The following DERA variants were observed in gnomAD, a reference collection of about 807,000 sequenced individuals.
The protein encoded by DERA is deoxyribose-phosphate aldolase.
Under a neutral mutation model 41.1 loss-of-function variants are expected in DERA, and 15 were observed. The ratio of observed to expected loss-of-function variants is 0.37; its 90% CI spans 0.24 to 0.56. The LOEUF (loss-of-function observed/expected upper bound fraction) is 0.56, where lower values mean the gene tolerates loss of function less well. Ranked by LOEUF, DERA falls within the 20% of genes least tolerant of loss-of-function variation. The pLI, the probability that DERA is intolerant of heterozygous loss-of-function variation, is 0.81. For missense variants in DERA, 396 were observed against 403.4 expected (o/e 0.98, Z 0.16); for synonymous variants, 139 against 137.4 (o/e 1.01, Z -0.08).
At position 15,918,312 on chromosome 12, in the gene DERA, G is replaced by A. The variant is rs940092732; in HGVS notation, c.31+6898G>A. ...GGCCGCCTCGCCTCCCTCTGCAGGT[G>A]GATACCCTCCTTACCCTGCTTGCGC... On this transcript the variant is annotated intron_variant, in intron 1 of 8. Transcript: ENST00000428559. The surrounding 1 kb of genome is among the most constrained non-coding windows in gnomAD (Gnocchi z 4.3). Among the ~76,000 whole-genome samples the A allele has an allele frequency of 5.3e-5, 8 of 152,122 alleles. No homozygotes were observed. The highest frequency in any genetic ancestry group is 1.9e-4 in the African/African-American group (8 of 41,412).
At position 15,911,411 on chromosome 12, in the gene DERA, C is replaced by G. The variant is rs1156273659; in HGVS notation, c.28C>G (p.Leu10Val). 66 of 1,407,452 alleles carry G rather than the reference C, an allele frequency of 4.7e-5. No individual in the cohort carries two copies. The highest frequency in any genetic ancestry group is 6.0e-5 in the Non-Finnish European group (66 of 1,091,916). 87.2% of individuals were successfully genotyped at this position (1,407,452 alleles called of 1,614,324 possible). ...GTCCGCGCACAATCGGGGCACCGAG[C>G]TCGGTAAGGGGCCCGCGGGGCTCCC... Reference protein sequence around the residue: MSAHNRGTELDLSWISKIQV... With the variant: MSAHNRGTEVDLSWISKIQV... Residue 10 changes from leucine (L) to valine (V), a missense_variant, in exon 1 of 9, where the codon CTC (leucine) becomes GTC (valine). Leu to Val is a conservative substitution (Grantham distance 32). Transcript: ENST00000428559. The surrounding 1 kb of genome is among the most constrained non-coding windows in gnomAD (Gnocchi z 4.5).
At chr12:16,029,155 C>G (rs1949072869) in intron 6 of DERA, among the ~76,000 whole-genome samples, 1 of 152,162 alleles carries the variant, frequency 6.6e-6, no homozygotes. Context: ...AACAAACTGG[C>G]CGGGCGCGGT....
At chr12:15,987,768 T>G (rs1948774568) in intron 6 of DERA, among the ~76,000 whole-genome samples, 1 of 152,064 alleles carries the variant, frequency 6.6e-6, no homozygotes, top group South Asian at 2.1e-4. Context: ...GTCAGAAACC[T>G]CCGTGCACTT....
At chr12:16,006,777 A>G (rs918170140) in intron 6 of DERA, among the ~76,000 whole-genome samples, 4 of 152,244 alleles carry the variant, frequency 2.6e-5, no homozygotes, top group Admixed American at 1.3e-4. Context: ...TCATTCACAG[A>G]TATTTCTGAT....
intron 6 of DERA, among the ~76,000 whole-genome samples, chr12:15,986,446 A>G (rs1948764824): frequency 6.6e-6 from 1 of 152,124 alleles, no homozygotes; most frequent in Non-Finnish European, 1.5e-5. Flanking sequence ...ATCTTGTAAC[A>G]TTTTGTATCT....
chr12:15,973,827 A>T (rs2136156915), intron 5 of DERA, among the ~76,000 whole-genome samples: 1 of 152,236 alleles, frequency 6.6e-6, no homozygotes, highest in East Asian at 1.9e-4. Flanking sequence ...TTTTTAAGTT[A>T]TAGAAGCCAT....
intron 5 of DERA, among the ~76,000 whole-genome samples, chr12:15,978,398 G>T (rs1338311768): frequency 6.6e-6 from 1 of 152,144 alleles, no homozygotes; most frequent in African/African-American, 2.4e-5. Flanking sequence ...GTTTCTGGAA[G>T]TGTATAAGGG....
chr12:15,940,444 C>T lies in DERA; in HGVS notation c.32-16492C>T, dbSNP rs184765362. Reference sequence around the variant, plus strand: ...TTGGCTCACTGCAACCTCCACCTCCCGGGTTCAAACGATTCTTCTGCCTCA... The same window carrying T: ...TTGGCTCACTGCAACCTCCACCTCCTGGGTTCAAACGATTCTTCTGCCTCA... On this transcript the variant is annotated intron_variant, in intron 1 of 8. Transcript: ENST00000428559. This position sits in a 1 kb window ranked among gnomAD's most constrained non-coding sequence, Gnocchi z 5.1. Among the ~76,000 whole-genome samples the T allele has an allele frequency of 1.4e-3, 207 of 152,174 alleles. 2 individuals are homozygous for T. The highest frequency in any genetic ancestry group is 0.011 in the East Asian group (58 of 5,184).
rs1459730146 is a variant in DERA, at chr12:16,010,462, T to A, written c.638-22080T>A. ...TTGTACCTTTACCCATAGATGAGGT[T>A]TTCCGAGTTCTGCTGCTTTCCCCTT... On this transcript the variant is annotated intron_variant, in intron 6 of 8. Transcript: ENST00000428559. The surrounding 1 kb of genome is among the most constrained non-coding windows in gnomAD (Gnocchi z 5.5). Among the ~76,000 whole-genome samples the A allele has an allele frequency of 1.3e-5, 2 of 151,878 alleles. No homozygotes were observed. Among genetic ancestry groups the A allele is most frequent in the African/African-American group, 4.8e-5 (2 of 41,344 alleles).
In DERA at chr12:16,000,722, A is replaced by G. The variant is rs764018940; in HGVS notation, c.637+18286A>G. Among the ~76,000 whole-genome samples, 1 of 152,228 alleles carries G rather than the reference A, an allele frequency of 6.6e-6. No homozygotes were observed. The highest frequency in any genetic ancestry group is 1.5e-5 in the Non-Finnish European group (1 of 68,050). ...TGTTTGTAGAACGTTAGCTGCTATC[A>G]CACTGGCTTGATATTAACATTCTAG... On this transcript the variant is annotated intron_variant, in intron 6 of 8. Coordinates refer to ENST00000428559, the MANE Select transcript of DERA (RefSeq NM_015954.4). The surrounding 1 kb of genome is among the most constrained non-coding windows in gnomAD (Gnocchi z 4.8).
chr12:15,946,205 T>C (rs772785923), intron 1 of DERA, among the ~76,000 whole-genome samples: 1 of 152,210 alleles, frequency 6.6e-6, no homozygotes, highest in Non-Finnish European at 1.5e-5. Context: ...TTGTTGTGTC[T>C]CTGCTAGGCT....
At position 15,985,576 on chromosome 12, in the gene DERA, C is replaced by A. The variant is rs1349729166; in HGVS notation, c.637+3140C>A. ...AGTTTTTATTTTGTTGTTTTTTTTT[C>A]ATTACTTTTCAGTGAAAGTTATTTT... On this transcript the variant is annotated intron_variant, in intron 6 of 8. Transcript: ENST00000428559. The surrounding 1 kb of genome is among the most constrained non-coding windows in gnomAD (Gnocchi z 4.2). 1.0e-5 allele frequency among the ~76,000 whole-genome samples: 1 copy of A among 98,072 alleles called. No individual in the cohort carries two copies. Among genetic ancestry groups the A allele is most frequent in the Non-Finnish European group, 2.4e-5 (1 of 42,386 alleles). 64.3% of individuals were successfully genotyped at this position (98,072 alleles called of 152,430 possible).
rs773928526 is a variant in DERA, at chr12:16,032,667, C to T, written c.750+13C>T. ...AACTGGAAACAAGGTATATTATTGCCAGCAAATCTTTCTTCAGAGTAAAGA... is the reference window on the plus strand; with the variant it reads ...AACTGGAAACAAGGTATATTATTGCTAGCAAATCTTTCTTCAGAGTAAAGA... On this transcript the variant is annotated intron_variant, in intron 7 of 8. Coordinates refer to ENST00000428559, the MANE Select transcript of DERA (RefSeq NM_015954.4). 1.3e-4 allele frequency: 182 copies of T among 1,443,540 alleles called. No homozygotes were observed. Among genetic ancestry groups the T allele is most frequent in the Non-Finnish European group, 1.7e-4 (174 of 1,048,228 alleles). 89.4% of individuals were successfully genotyped at this position (1,443,540 alleles called of 1,614,324 possible).
chr12:15,978,662 A>G (rs536074894), intron 5 of DERA, among the ~76,000 whole-genome samples: 1 of 152,202 alleles, frequency 6.6e-6, no homozygotes, highest in South Asian at 2.1e-4. Context: ...TTTGTGATAT[A>G]TAGTAAGCCG....
chr12:15,925,345 T>A (rs1948274131), intron 1 of DERA, among the ~76,000 whole-genome samples: 3 of 152,206 alleles, frequency 2.0e-5, no homozygotes, highest in African/African-American at 4.8e-5. Flanking sequence ...CTTAATTATT[T>A]TTTTCTCTGT....
At chr12:15,962,753 T>G in intron 4 of DERA, 60 bp from the exon 5 acceptor site, 25 of 1,390,506 alleles carry the variant, frequency 1.8e-5, no homozygotes, top group Non-Finnish European at 2.2e-5. Flanking sequence ...CTCCCCCCCT[T>G]GCTTACTTTC....
At chr12:15,952,459 TAGACTAG>T (rs1487284222) in intron 1 of DERA, among the ~76,000 whole-genome samples, 1 of 152,186 alleles carries the variant, frequency 6.6e-6, no homozygotes, top group Admixed American at 6.5e-5. Flanking sequence ...TCATAAAGTC[TAGACTAG>T]AGCCTAGAGC....
At position 15,975,202 on chromosome 12, in the gene DERA, A is replaced by G. The variant is rs144365080; in HGVS notation, c.509-7106A>G. On this transcript the variant is annotated intron_variant, in intron 5 of 8. Transcript: ENST00000428559. ...AGTCAGTCTCCCTGAGCATTTGGGC[A>G]TCCGAGTTTTTAAGGACAACTTGGT... is the stretch of plus-strand genomic sequence containing the variant. Among the ~76,000 whole-genome samples the G allele has an allele frequency of 2.1e-3, 315 of 152,332 alleles. 2 individuals are homozygous for G. Among genetic ancestry groups the G allele is most frequent in the African/African-American group, 7.3e-3 (304 of 41,568 alleles).
At chr12:16,025,106 A>G (rs556507615) in intron 6 of DERA, among the ~76,000 whole-genome samples, 57 of 152,272 alleles carry the variant, frequency 3.7e-4, no homozygotes, top group African/African-American at 1.3e-3. Flanking sequence ...GGAATAATAT[A>G]AAATGCTCAA....
Sources: allele counts gnomAD v4.1 joint callset (sites outside exome capture counted in the v4.1 genomes callset), GRCh38; gene constraint gnomAD v4.1.1; non-coding constraint Gnocchi (gnomAD v3.1); transcripts MANE v1.5; gene names NCBI Gene and HGNC (gene_info 2026-07-23, HGNC 2026-07-21).